Variants in POLR2F observed in about 807,000 individuals in gnomAD.
POLR2F encodes RNA polymerase II, I and III subunit F, also known as DNA-directed RNA polymerases I, II, and III subunit RPABC2.
In POLR2F, 12 loss-of-function variants were observed where a neutral mutation model predicts 22.7. The observed-to-expected ratio is 0.53, with a 90% CI of 0.34 to 0.86. The LOEUF (loss-of-function observed/expected upper bound fraction) is 0.86, where lower values mean the gene tolerates loss of function less well. POLR2F is among the 40% of genes least tolerant of loss of function. The probability of loss-of-function intolerance (pLI) is 0.02; values close to 1 mark genes in which losing one functional copy is unlikely to be tolerated. For missense variants in POLR2F, 126 were observed against 171.5 expected (o/e 0.73, Z 1.48); for synonymous variants, 57 against 66.0 (o/e 0.86, Z 0.66).
chr22:38,028,854 T>C (rs2085040085), downstream of POLR2F, among the ~76,000 whole-genome samples: 1 of 152,146 alleles, frequency 6.6e-6, no homozygotes, highest in Non-Finnish European at 1.5e-5. Flanking sequence ...GGCAGGCAGC[T>C]CCCAGGCCTG....
At chr22:37,985,979 A>C (rs929129267), upstream of POLR2F, 18 of 1,002,972 alleles carry the variant, frequency 1.8e-5, no homozygotes, top group South Asian at 6.0e-5. Flanking sequence ...ATCTCCCCCC[A>C]GTTTTCCTCG....
At chr22:38,034,105 G>A in intron 5 of POLR2F, 1 of 168,622 alleles carries the variant, frequency 5.9e-6, no homozygotes, top group Non-Finnish European at 1.5e-5. Context: ...CCCCTTGTCA[G>A]CTCCTTCCGC....
chr22:38,036,051 A>G (rs1229466382), intron 5 of POLR2F, among the ~76,000 whole-genome samples: 1 of 151,164 alleles, frequency 6.6e-6, no homozygotes, highest in Non-Finnish European at 1.5e-5. Flanking sequence ...TCTTGGCTCA[A>G]TGCAACCTCC....
At chr22:37,973,496 T>C, downstream of POLR2F, 2 of 1,582,456 alleles carry the variant, frequency 1.3e-6, no homozygotes, top group Non-Finnish European at 1.7e-6. Context: ...GGGCCCCCTT[T>C]AGGGCCGGGA....
chr22:37,967,748 C>A lies in POLR2F; in HGVS notation c.*33C>A. On this transcript the variant is annotated 3_prime_UTR_variant, in exon 5 of 5. Coordinates refer to ENST00000442738, the MANE Select transcript of POLR2F (RefSeq NM_021974.5). ...TCATCTTCCTGCCCTTGCCCCATGC[C>A]CAATTTTCATTCTCACTTTATATGT... is the stretch of plus-strand genomic sequence containing the variant. 2 of 1,592,908 alleles carry A rather than the reference C, an allele frequency of 1.3e-6. No homozygotes were observed. The highest frequency in any genetic ancestry group is 1.7e-6 in the Non-Finnish European group (2 of 1,171,866).
rs376973008 is a variant in POLR2F, at chr22:38,041,104, C to T, written c.*12C>T. The T allele has an allele frequency of 3.1e-6, 5 of 1,612,914 alleles. No individual in the cohort carries two copies. In the South Asian group the frequency reaches 3.3e-5, roughly 11 times the overall value. ...TCAGAGAGGAGTGACTCGCCTGAAG[C>T]CCCGTGAACAATGCATGGTGGACGG... On this transcript the variant is annotated 3_prime_UTR_variant, in exon 6 of 6. Transcript: ENST00000407936.
At chr22:37,986,004 G>T, upstream of POLR2F, 1 of 1,215,298 alleles carries the variant, frequency 8.2e-7, no homozygotes, top group South Asian at 2.4e-5. The surrounding 1 kb of genome is among the most constrained non-coding windows in gnomAD (Gnocchi z 4.7). Context: ...CACCCCCGGC[G>T]CTGCCAACCC....
chr22:38,025,666 A>C (rs756033770), intron 1 of POLR2F: 2 of 1,557,186 alleles, frequency 1.3e-6, no homozygotes, highest in Non-Finnish European at 1.7e-6. Context: ...CCTCCCGCTG[A>C]CTTCTCCCGA....
chr22:37,959,788 A>G (rs1475003504), intron 3 of POLR2F, among the ~76,000 whole-genome samples: 2 of 150,418 alleles, frequency 1.3e-5, no homozygotes, highest in Non-Finnish European at 3.0e-5. Context: ...TTCAGAGCCA[A>G]TGTGTACCAG....
At chr22:38,020,206 TACAC>T (rs112285508) in intron 1 of POLR2F, among the ~76,000 whole-genome samples, 6,300 of 144,754 alleles carry the variant, frequency 0.044, 240 homozygotes, top group East Asian at 0.097. Flanking sequence ...CACACATATA[TACAC>T]ACACACACAC....
At chr22:37,956,877 C>CTTGGG in intron 2 of POLR2F, 35 bp downstream of exon 2, 1 of 1,525,264 alleles carries the variant, frequency 6.6e-7, no homozygotes, top group Non-Finnish European at 9.1e-7. Context: ...ACCTCTGCAG[C>CTTGGG]CCAAGCTGCC....
Position 37,997,408 on chromosome 22 carries a change from C to T in POLR2F, c.120+11096C>T, listed in dbSNP as rs578055250. Among the ~76,000 whole-genome samples, 2 of 152,198 alleles carry T rather than the reference C, an allele frequency of 1.3e-5. No individual in the cohort carries two copies. The highest frequency in any genetic ancestry group is 4.8e-5 in the African/African-American group (2 of 41,506). On this transcript the variant is annotated intron_variant, in intron 1 of 2. Coordinates refer to the POLR2F transcript ENST00000333418. The surrounding 1 kb of genome is among the most constrained non-coding windows in gnomAD (Gnocchi z 4.4). The stretch of plus-strand genomic sequence containing the variant: ...TCCTTCTTGTCCTGGCCCTCCTGCC[C>T]TGGCTCCCTGTCTCTCTCCAGCCCT...
intron 1 of POLR2F, among the ~76,000 whole-genome samples, chr22:37,988,599 C>T (rs541867799): frequency 3.9e-5 from 6 of 151,934 alleles, no homozygotes; most frequent in South Asian, 4.2e-4. Context: ...TGCAGTGAGC[C>T]GAGATCGCAC....
At chr22:38,040,304 A>AAG (rs1555948700) in intron 5 of POLR2F, 1 of 150,432 alleles carries the variant, frequency 6.6e-6, no homozygotes, top group East Asian at 1.9e-4. Flanking sequence ...AAAAAAAAAA[A>AAG]AGAAATTGAG....
At chr22:37,963,738 A>C (rs957173665) in intron 3 of POLR2F, among the ~76,000 whole-genome samples, 1 of 152,240 alleles carries the variant, frequency 6.6e-6, no homozygotes, top group African/African-American at 2.4e-5. Flanking sequence ...GCTTATTTGC[A>C]AGTTAAACAG....
chr22:37,998,948 C>G (rs1377363035), intron 1 of POLR2F, among the ~76,000 whole-genome samples: 1 of 151,944 alleles, frequency 6.6e-6, no homozygotes, highest in Non-Finnish European at 1.5e-5. Context: ...GTAGGAGGAC[C>G]CGCCGCCCCA....
chr22:38,033,991 T>C (rs1188715239), intron 5 of POLR2F, among the ~76,000 whole-genome samples: 1 of 152,150 alleles, frequency 6.6e-6, no homozygotes, highest in Non-Finnish European at 1.5e-5. Flanking sequence ...TGACCCCTAT[T>C]CCCTGCACCA....
Position 37,986,417 on chromosome 22 carries a change from G to A in POLR2F, c.120+105G>A, listed in dbSNP as rs1484625011. 8 of 1,532,108 alleles carry A rather than the reference G, an allele frequency of 5.2e-6. No individual in the cohort carries two copies. The highest frequency in any genetic ancestry group is 7.0e-6 in the Non-Finnish European group (8 of 1,145,240). 94.9% of individuals were successfully genotyped at this position (1,532,108 alleles called of 1,614,324 possible). A position where few individuals can be genotyped will look rare whatever the true frequency, so the allele number is the denominator to read the frequency against. ...ACTGGCCTGAGACCCGCCTGGGGCAGGAGGGGTGGTTGTGGAAGGAAAGAG... is the reference window on the plus strand; with the variant it reads ...ACTGGCCTGAGACCCGCCTGGGGCAAGAGGGGTGGTTGTGGAAGGAAAGAG... On this transcript the variant is annotated intron_variant, in intron 1 of 2. Coordinates refer to the POLR2F transcript ENST00000333418. The surrounding 1 kb of genome is among the most constrained non-coding windows in gnomAD (Gnocchi z 4.7).
rs574788247 is a variant in POLR2F at position 37,987,471 on chromosome 22, C to G, written c.120+1159C>G. 3 of 330,306 alleles carry G rather than the reference C, an allele frequency of 9.1e-6. No individual in the cohort carries two copies. The Admixed American group carries it at 1.2e-4, about 13-fold the overall frequency. 20.5% of individuals were successfully genotyped at this position (330,306 alleles called of 1,614,324 possible). On this transcript the variant is annotated intron_variant, in intron 1 of 2. Transcript: ENST00000333418. ...GGAGCTGGTCCGGCTTTATGGAAGG[C>G]TCCGCCTGTGTTCCCCCACTGGGTC...
Sources: gnomAD v4.1 joint callset for allele counts (sites outside exome capture counted in the v4.1 genomes callset) on GRCh38, gnomAD v4.1.1 for gene constraint, Gnocchi (gnomAD v3.1) non-coding constraint, MANE v1.5 for transcripts, NCBI Gene and HGNC (gene_info 2026-07-23, HGNC 2026-07-21) for gene names.